Variants in CCDC88A observed in about 807,000 individuals in gnomAD.
The protein encoded by CCDC88A is girdin.
A neutral mutation model predicts 234.3 loss-of-function variants in CCDC88A; 54 were observed. The ratio of observed to expected loss-of-function variants is 0.23; its 90% CI spans 0.19 to 0.29. The LOEUF is 0.29. Among genes scored for constraint, CCDC88A ranks in the 10% least tolerant of loss-of-function variants. The pLI, the probability that CCDC88A is intolerant of heterozygous loss-of-function variation, is 1.00. For missense variants in CCDC88A, 1,832 were observed against 2,123.4 expected (o/e 0.86, Z 2.70); for synonymous variants, 753 against 737.8 (o/e 1.02, Z -0.33).
intron 13 of CCDC88A, chr2:55,338,862 A>C (rs1446186749): frequency 6.6e-6 from 1 of 152,254 alleles, no homozygotes; most frequent in African/African-American, 2.4e-5. Flanking sequence ...TAATGACACT[A>C]AAGAAACTCA....
chr2:55,371,321 A>G (rs1260734335), intron 5 of CCDC88A, among the ~76,000 whole-genome samples: 1 of 152,206 alleles, frequency 6.6e-6, no homozygotes, highest in Non-Finnish European at 1.5e-5. Flanking sequence ...ATATTATGTA[A>G]GATTATAGCT....
In CCDC88A at chr2:55,335,013, A is replaced by G. The variant is rs1226047173; in HGVS notation, c.1808T>C (p.Leu603Pro). Residue 603 changes from leucine to proline, a missense_variant, in exon 15 of 33, where the codon CTA becomes CCA. Coordinates refer to ENST00000436346, the MANE Select transcript of CCDC88A (RefSeq NM_001365480.1). This position sits in a 1 kb window ranked among gnomAD's most constrained non-coding sequence, Gnocchi z 4.5. Reference sequence around the variant, plus strand: ...TCTTTTTTCAAATTCAATCTTGCTTAGCTTGCTACTTGTTTCTTTGATAGA... The same window carrying G: ...TCTTTTTTCAAATTCAATCTTGCTTGGCTTGCTACTTGTTTCTTTGATAGA... ...HESIKETSSKLSKIEFEKRQI... is the reference protein window; with the variant it reads ...HESIKETSSKPSKIEFEKRQI... 6.2e-7 allele frequency: 1 copy of G among 1,608,156 alleles called. No homozygotes were observed. Among genetic ancestry groups the G allele is most frequent in the African/African-American group, 1.3e-5 (1 of 74,592 alleles).
At chr2:55,314,399 G>A (rs1290437619) in intron 22 of CCDC88A, 1 of 152,140 alleles carries the variant, frequency 6.6e-6, no homozygotes, top group African/African-American at 2.4e-5. Flanking sequence ...AAAGAAAAGA[G>A]AACAATTTTT....
intron 25 of CCDC88A, among the ~76,000 whole-genome samples, chr2:55,305,501 T>G (rs1681439349): frequency 6.6e-6 from 1 of 152,220 alleles, no homozygotes; most frequent in South Asian, 2.1e-4. Context: ...ACAAGATGAC[T>G]TCAAAAAAGA....
chr2:55,348,180 G>T (rs994135954), intron 9 of CCDC88A, among the ~76,000 whole-genome samples: 3 of 152,128 alleles, frequency 2.0e-5, no homozygotes, highest in Non-Finnish European at 2.9e-5. Context: ...GCCCAGGCAG[G>T]TCTTTAACTC....
In CCDC88A at chr2:55,335,282, CT is replaced by C; in HGVS notation, c.1657-119del. On this transcript the variant is annotated intron_variant, in intron 14 of 32. Transcript: ENST00000436346. This position sits in a 1 kb window ranked among gnomAD's most constrained non-coding sequence, Gnocchi z 4.5. ...AAAAAGGGTGCTAGAACATGTCTTA[CT>C]TTTAATTCTGACAAGTATTTACTGA... 1 of 572,918 alleles carries C rather than the reference CT, an allele frequency of 1.7e-6. No homozygotes were observed. Among genetic ancestry groups the C allele is most frequent in the African/African-American group, 1.9e-5 (1 of 51,824 alleles). 35.5% of individuals were successfully genotyped at this position (572,918 alleles called of 1,614,324 possible). A position where few individuals can be genotyped will look rare whatever the true frequency, so the allele number is the denominator to read the frequency against.
chr2:55,414,388 TAAC>T (rs1681002666), intron 2 of CCDC88A, among the ~76,000 whole-genome samples: 1 of 152,158 alleles, frequency 6.6e-6, no homozygotes, highest in Non-Finnish European at 1.5e-5. Context: ...CTACAACTGA[TAAC>T]AATAAAGAAA....
intron 15 of CCDC88A, among the ~76,000 whole-genome samples, chr2:55,333,226 C>T (rs1045187922): frequency 1.1e-4 from 17 of 152,120 alleles, no homozygotes; most frequent in Admixed American, 9.2e-4. Context: ...ATGCAGACTG[C>T]CCAATGTGAC....
At chr2:55,304,119 G>A (rs771805786) in intron 25 of CCDC88A, among the ~76,000 whole-genome samples, 5 of 150,166 alleles carry the variant, frequency 3.3e-5, no homozygotes, top group African/African-American at 7.5e-5. Context: ...GACCAGCCTG[G>A]GCAACAGAGC....
intron 5 of CCDC88A, among the ~76,000 whole-genome samples, chr2:55,371,420 T>C (rs760157706): frequency 2.6e-5 from 4 of 152,190 alleles, no homozygotes; most frequent in Non-Finnish European, 5.9e-5. Context: ...ATATTATTTG[T>C]TTATAAATAA....
intron 31 of CCDC88A, chr2:55,293,016 T>G (rs1379246354): frequency 6.6e-6 from 1 of 152,188 alleles, no homozygotes; most frequent in African/African-American, 2.4e-5. Flanking sequence ...GTATTTTTTT[T>G]TTTTTTGGAA....
rs2104530525 is a variant in CCDC88A at position 55,289,074 on chromosome 2, T to G, written c.*2126A>C. 1 of 152,760 alleles carries G rather than the reference T, an allele frequency of 6.5e-6. No homozygotes were observed. The highest frequency in any genetic ancestry group is 1.9e-4 in the East Asian group (1 of 5,184). The allele number at this position is 152,760 out of a possible 1,614,324, so 9.5% of individuals were successfully genotyped here. A position where few individuals can be genotyped will look rare whatever the true frequency, so the allele number is the denominator to read the frequency against. Reference sequence around the variant, plus strand: ...TTGTCCCTTCTCAGGGTCAGCCTACTCAGATTCAGTACTTTACACGTTGTT... The same window carrying G: ...TTGTCCCTTCTCAGGGTCAGCCTACGCAGATTCAGTACTTTACACGTTGTT... On this transcript the variant is annotated 3_prime_UTR_variant, in exon 33 of 33. Transcript: ENST00000436346.
chr2:55,382,027 A>G (rs1574380167), intron 3 of CCDC88A, among the ~76,000 whole-genome samples: 1 of 152,214 alleles, frequency 6.6e-6, no homozygotes, highest in South Asian at 2.1e-4. Flanking sequence ...CTATTTTATC[A>G]TATTTTAGTA....
chr2:55,367,046 T>C (rs1329896526), intron 5 of CCDC88A, among the ~76,000 whole-genome samples: 1 of 152,152 alleles, frequency 6.6e-6, no homozygotes, highest in Non-Finnish European at 1.5e-5. Flanking sequence ...ATTTGGCATA[T>C]ATAAATAATG....
At chr2:55,352,561 T>C (rs543219297) in intron 8 of CCDC88A, among the ~76,000 whole-genome samples, 1 of 152,274 alleles carries the variant, frequency 6.6e-6, no homozygotes, top group East Asian at 1.9e-4. Flanking sequence ...GACCTGCGAA[T>C]TATATCTCAA....
At chr2:55,337,010 T>G (rs1214050370) in intron 13 of CCDC88A, 192 bp from the exon 14 acceptor site, 5 of 444,774 alleles carry the variant, frequency 1.1e-5, no homozygotes, top group Non-Finnish European at 1.2e-5. Context: ...TATGCAGACA[T>G]GATTTCTTAT....
At chr2:55,329,471 G>A (rs942396218) in intron 16 of CCDC88A, 2 of 152,054 alleles carry the variant, frequency 1.3e-5, no homozygotes, top group Non-Finnish European at 2.9e-5. Context: ...CTTTGGTATC[G>A]GCTGGAGTCA....
At chr2:55,302,097 A>C (rs748270225) in intron 26 of CCDC88A, 25 bp from the exon 27 acceptor site, 6 of 1,563,038 alleles carry the variant, frequency 3.8e-6, no homozygotes, top group Non-Finnish European at 5.3e-6. Flanking sequence ...AAAGCAAATG[A>C]ATCAGCATGG....
intron 2 of CCDC88A, among the ~76,000 whole-genome samples, chr2:55,412,361 T>C (rs957069279): frequency 3.3e-5 from 5 of 152,148 alleles, no homozygotes; most frequent in African/African-American, 7.2e-5. Flanking sequence ...GGAAGGATAG[T>C]CTAGAGCAGG....
Sources: gnomAD v4.1 joint callset for allele counts (sites outside exome capture counted in the v4.1 genomes callset) on GRCh38, gnomAD v4.1.1 for gene constraint, Gnocchi (gnomAD v3.1) non-coding constraint, MANE v1.5 for transcripts, NCBI Gene and HGNC (gene_info 2026-07-23, HGNC 2026-07-21) for gene names.